PIK3C3: variants seen among roughly 807,000 people sequenced by gnomAD.
PIK3C3 encodes PI3-kinase type 3.
A neutral mutation model predicts 126.1 loss-of-function variants in PIK3C3; 95 were observed. The ratio of observed to expected loss-of-function variants is 0.75; its 90% confidence interval spans 0.64 to 0.89. The LOEUF (loss-of-function observed/expected upper bound fraction) is 0.89, where lower values mean the gene tolerates loss of function less well. Among genes scored for constraint, PIK3C3 ranks in the 40% least tolerant of loss-of-function variants. The probability of loss-of-function intolerance (pLI) is 0.00; values close to 1 mark genes in which losing one functional copy is unlikely to be tolerated. For synonymous variants in PIK3C3, 374 were observed against 360.0 expected (o/e 1.04, Z -0.44); for missense variants, 829 against 1,063.2 (o/e 0.78, Z 3.06).
intron 18 of PIK3C3, among the ~76,000 whole-genome samples, chr18:42,039,768 A>G (rs1389563339): frequency 6.6e-6 from 1 of 152,200 alleles, no homozygotes; most frequent in Admixed American, 6.5e-5. Flanking sequence ...CTTTATTCAT[A>G]GTATTTACCC....
intron 24 of PIK3C3, among the ~76,000 whole-genome samples, chr18:42,074,322 T>C (rs936862357): frequency 8.5e-6 from 1 of 117,440 alleles, no homozygotes; most frequent in Non-Finnish European, 1.6e-5. Flanking sequence ...CACACAGGAA[T>C]TTTTGTTTAT....
chr18:42,062,926 C>T (rs1367853190), intron 22 of PIK3C3, among the ~76,000 whole-genome samples: 1 of 152,096 alleles, frequency 6.6e-6, no homozygotes, highest in Admixed American at 6.5e-5. Context: ...CCATTGAAAC[C>T]ATCAGCAAGG....
intron 17 of PIK3C3, 50 bp from the exon 18 acceptor site, chr18:42,038,731 T>G (rs1328377552): frequency 8.5e-7 from 1 of 1,174,752 alleles, no homozygotes; most frequent in Non-Finnish European, 1.3e-6. Context: ...CAAAACTGTC[T>G]TTTAACAGTC....
intron 24 of PIK3C3, among the ~76,000 whole-genome samples, chr18:42,072,991 C>T (rs1423056377): frequency 6.6e-6 from 1 of 152,134 alleles, no homozygotes; most frequent in Non-Finnish European, 1.5e-5. Context: ...GTCATCCTTT[C>T]TTTTCATTTA....
At chr18:42,077,143 G>A (rs375770818) in intron 24 of PIK3C3, among the ~76,000 whole-genome samples, 1 of 152,298 alleles carries the variant, frequency 6.6e-6, no homozygotes, top group South Asian at 2.1e-4. Context: ...TAAAAACTAT[G>A]TGCCTATCTT....
At chr18:42,017,041 A>G (rs1237377245) in intron 12 of PIK3C3, among the ~76,000 whole-genome samples, 1 of 152,100 alleles carries the variant, frequency 6.6e-6, no homozygotes, top group African/African-American at 2.4e-5. Flanking sequence ...TGATTAAGCC[A>G]TTTAACTTTT....
chr18:42,018,790 G>T (rs939047169), intron 12 of PIK3C3, among the ~76,000 whole-genome samples: 5 of 151,996 alleles, frequency 3.3e-5, no homozygotes, highest in African/African-American at 9.7e-5. Context: ...AGTACCTGCA[G>T]TTCCCCTGGC....
Position 42,067,530 on chromosome 18 carries a change from C to T in PIK3C3, c.2649+17C>T. ...TTTGCCCAGGTAAGTTCCCTGAGTG[C>T]AGTGCATTTTTCTCACCTTCTCCGT... On this transcript the variant is annotated intron_variant, in intron 24 of 24. Coordinates refer to ENST00000262039, the MANE Select transcript of PIK3C3 (RefSeq NM_002647.4). The T allele has an allele frequency of 6.2e-7, 1 of 1,613,686 alleles. No individual in the cohort carries two copies. The highest frequency in any genetic ancestry group is 8.5e-7 in the Non-Finnish European group (1 of 1,179,712).
At chr18:42,044,126 A>G (rs1984452389) in intron 20 of PIK3C3, among the ~76,000 whole-genome samples, 1 of 152,202 alleles carries the variant, frequency 6.6e-6, no homozygotes, top group South Asian at 2.1e-4. Context: ...AACAGAAACT[A>G]AGTAGACCAT....
chr18:42,063,577 A>G (rs946202940), intron 22 of PIK3C3, among the ~76,000 whole-genome samples: 1 of 152,218 alleles, frequency 6.6e-6, no homozygotes, highest in Non-Finnish European at 1.5e-5. Flanking sequence ...GTTTTTCATT[A>G]TAATTCCTCT....
intron 16 of PIK3C3, among the ~76,000 whole-genome samples, chr18:42,037,485 C>T (rs189294715): frequency 3.4e-4 from 52 of 152,302 alleles, no homozygotes; most frequent in Admixed American, 1.6e-3. Context: ...AGAGCTTGTG[C>T]GCTTTCCATC....
intron 3 of PIK3C3, among the ~76,000 whole-genome samples, chr18:41,966,798 T>C (rs1188092953): frequency 6.6e-6 from 1 of 152,218 alleles, no homozygotes; most frequent in Non-Finnish European, 1.5e-5. Context: ...CACTCTCAGA[T>C]TAAGGTGAAG....
Position 42,038,985 on chromosome 18 carries a change from C to T in PIK3C3, c.2038+135C>T, listed in dbSNP as rs577890267. On this transcript the variant is annotated intron_variant, in intron 18 of 24. Coordinates refer to ENST00000262039, the MANE Select transcript of PIK3C3 (RefSeq NM_002647.4). ...ACTGAAGACAAGTTGGACCTTCCTG[C>T]CTGCTTCCCTTCTGTCTTTCCTTCT... 1.5e-5 allele frequency: 9 copies of T among 602,752 alleles called. No homozygotes were observed. In the East Asian group the frequency reaches 2.1e-4, roughly 14 times the overall value. The allele number at this position is 602,752 out of a possible 1,614,324, so 37.3% of individuals were successfully genotyped here.
chr18:41,989,532 AGATT>A (rs978471163), intron 5 of PIK3C3, among the ~76,000 whole-genome samples: 2 of 152,170 alleles, frequency 1.3e-5, no homozygotes, highest in African/African-American at 4.8e-5. Flanking sequence ...TGGTTCCGTA[AGATT>A]ATAGTACTTT....
At chr18:42,054,027 C>T (rs1984921858) in intron 21 of PIK3C3, among the ~76,000 whole-genome samples, 1 of 149,562 alleles carries the variant, frequency 6.7e-6, no homozygotes, top group Non-Finnish European at 1.5e-5. Context: ...GAAAGCTCAA[C>T]ATAAAGAAAA....
At chr18:41,975,208 A>C (rs993034686) in intron 4 of PIK3C3, among the ~76,000 whole-genome samples, 1 of 152,276 alleles carries the variant, frequency 6.6e-6, no homozygotes, top group African/African-American at 2.4e-5. Context: ...TGGATTTTTT[A>C]AGTTCATTTA....
chr18:42,028,556 TA>T (rs1433650748), intron 14 of PIK3C3, among the ~76,000 whole-genome samples: 10 of 152,328 alleles, frequency 6.6e-5, no homozygotes, highest in Admixed American at 5.9e-4. Flanking sequence ...CACATCTTAT[TA>T]AACACTTTGA....
chr18:42,016,376 A>G (rs986233449), intron 12 of PIK3C3, among the ~76,000 whole-genome samples: 1 of 152,184 alleles, frequency 6.6e-6, no homozygotes, highest in Non-Finnish European at 1.5e-5. Context: ...CCAATCTGCT[A>G]CAGTCTAAGT....
chr18:42,015,748 A>G (rs1280405987), intron 12 of PIK3C3, among the ~76,000 whole-genome samples, 182 bp downstream of exon 12: 2 of 152,128 alleles, frequency 1.3e-5, no homozygotes, highest in Non-Finnish European at 2.9e-5. Flanking sequence ...ATAGTCCTCA[A>G]TTTGAGTCAT....
Sources: gnomAD v4.1 joint callset for allele counts (sites outside exome capture counted in the v4.1 genomes callset) on GRCh38, gnomAD v4.1.1 for gene constraint, MANE v1.5 for transcripts, NCBI Gene and HGNC (gene_info 2026-07-23, HGNC 2026-07-21) for gene names.